The following RBMS3 variants were observed in gnomAD, a reference collection of about 807,000 sequenced individuals.
RBMS3 encodes RNA binding motif single stranded interacting protein 3, also known as RNA-binding motif, single-stranded-interacting protein 3.
A neutral mutation model predicts 66.8 loss-of-function variants in RBMS3; 27 were observed. The observed-to-expected ratio is 0.40, with a 90% confidence interval of 0.30 to 0.56. The LOEUF is 0.56. Among genes scored for constraint, RBMS3 ranks in the 20% least tolerant of loss-of-function variants. RBMS3 has a pLI of 0.40. For synonymous variants in RBMS3, 188 were observed against 183.0 expected (o/e 1.03, Z -0.22); for missense variants, 513 against 549.5 (o/e 0.93, Z 0.66).
intron 7 of RBMS3, among the ~76,000 whole-genome samples, chr3:29,879,109 A>G (rs2059679490): frequency 6.6e-6 from 1 of 152,174 alleles, no homozygotes. Context: ...AGTTATTGTT[A>G]TACTACGCCA....
chr3:29,867,777 A>G (rs2059396410), intron 6 of RBMS3, among the ~76,000 whole-genome samples: 1 of 151,580 alleles, frequency 6.6e-6, no homozygotes, highest in Non-Finnish European at 1.5e-5. Context: ...GGAATTGGTC[A>G]AGAATTAGGG....
At chr3:29,828,356 G>T (rs1202365642) in intron 6 of RBMS3, among the ~76,000 whole-genome samples, 1 of 151,812 alleles carries the variant, frequency 6.6e-6, no homozygotes, top group Non-Finnish European at 1.5e-5. Flanking sequence ...AACATAAAGG[G>T]GCCACTGGAC....
At chr3:29,564,732 T>C (rs930842500) in intron 3 of RBMS3, among the ~76,000 whole-genome samples, 1 of 152,166 alleles carries the variant, frequency 6.6e-6, no homozygotes, top group Non-Finnish European at 1.5e-5. Flanking sequence ...AGAAACTTCG[T>C]GGGAGAAGAG....
intron 6 of RBMS3, among the ~76,000 whole-genome samples, chr3:29,830,135 A>G (rs2058332405): frequency 6.6e-6 from 1 of 151,928 alleles, no homozygotes; most frequent in Non-Finnish European, 1.5e-5. Flanking sequence ...TTTTAGTGGG[A>G]GGTAGTCTTT....
At chr3:29,559,593 T>C (rs1031086636) in intron 3 of RBMS3, among the ~76,000 whole-genome samples, 14 of 134,452 alleles carry the variant, frequency 1.0e-4, no homozygotes, top group African/African-American at 3.9e-4. Context: ...TTCTGAAGAG[T>C]CTCAGTTTTT....
At chr3:29,377,699 T>TATC (rs2038549393) in intron 1 of RBMS3, among the ~76,000 whole-genome samples, 1 of 152,178 alleles carries the variant, frequency 6.6e-6, no homozygotes, top group African/African-American at 2.4e-5. Context: ...CAATCACTGT[T>TATC]ATCAGGGCAG....
intron 1 of RBMS3, among the ~76,000 whole-genome samples, chr3:29,325,369 G>T (rs187787076): frequency 6.6e-6 from 1 of 151,962 alleles, no homozygotes; most frequent in Non-Finnish European, 1.5e-5. Flanking sequence ...AGATTTTATC[G>T]TTATACCGTT....
chr3:29,631,227 T>C (rs2049271153), intron 4 of RBMS3, among the ~76,000 whole-genome samples: 1 of 151,974 alleles, frequency 6.6e-6, no homozygotes, highest in African/African-American at 2.4e-5. Context: ...AATAAGAACA[T>C]TCCTTGAGGC....
At chr3:29,744,785 G>GGC (rs34726699) in intron 5 of RBMS3, among the ~76,000 whole-genome samples, 2 of 138,196 alleles carry the variant, frequency 1.4e-5, no homozygotes, top group Non-Finnish European at 3.1e-5. Context: ...CTCCGTCTCG[G>GGC]AAAAAAAAAA....
chr3:30,005,103 T>TA lies in RBMS3; in HGVS notation c.*1254dup, dbSNP rs10681559. On this transcript the variant is annotated 3_prime_UTR_variant, in exon 15 of 15. Coordinates refer to ENST00000383767, the MANE Select transcript of RBMS3 (RefSeq NM_001003793.3). ...AGGTTGTTTTCGTTTCTTTTCTTTT[T>TA]AAAAAAAAAAAAATTTATTTGACCG... 0.1 allele frequency: 14,539 copies of TA among 142,218 alleles called. 1,281 individuals carry two copies. Among genetic ancestry groups the TA allele is most frequent in the South Asian group, 0.21 (950 of 4,518 alleles). The allele number at this position is 142,218 out of a possible 1,614,324, so 8.8% of individuals were successfully genotyped here.
At position 29,868,874 on chromosome 3, in the gene RBMS3, G is replaced by A; in HGVS notation, c.654G>A (p.Leu218=). Reference sequence around the variant, plus strand: ...TCTTCCCAGCCCCCAGTGAGCCTTTGCTGTGCAAATTCGCTGATGGAGGAC... The same window carrying A: ...TCTTCCCAGCCCCCAGTGAGCCTTTACTGTGCAAATTCGCTGATGGAGGAC... ...PPGIPAPSEP[L]LCKFADGGQK... is the part of the protein sequence containing the mutation. Residue 218 remains leucine, a synonymous_variant, in exon 7 of 15, where the codon TTG becomes TTA. Transcript: ENST00000383767. 1 of 1,599,962 alleles carries A rather than the reference G, an allele frequency of 6.3e-7. No homozygotes were observed. The highest frequency in any genetic ancestry group is 8.5e-7 in the Non-Finnish European group (1 of 1,172,134).
intron 4 of RBMS3, among the ~76,000 whole-genome samples, chr3:29,648,261 C>CTTTTTTTTTTTTTTTTTTT (rs1576434694): frequency 1.0e-4 from 9 of 88,128 alleles, no homozygotes; most frequent in Admixed American, 2.3e-4. Flanking sequence ...TAGAAAATGT[C>CTTTTTTTTTTTTTTTTTTT]TATTTTTTTT....
intron 6 of RBMS3, among the ~76,000 whole-genome samples, chr3:29,847,288 C>T (rs1297272998): frequency 6.6e-6 from 1 of 152,260 alleles, no homozygotes; most frequent in East Asian, 1.9e-4. Flanking sequence ...TAATATGATG[C>T]ACATTTGTTT....
intron 2 of RBMS3, 21 bp downstream of exon 2, chr3:29,434,936 C>T (rs1441226500): frequency 3.7e-6 from 6 of 1,602,616 alleles, no homozygotes; most frequent in East Asian, 2.2e-5. Flanking sequence ...TTCTGCTGCC[C>T]GTGCTGTTTC....
intron 4 of RBMS3, among the ~76,000 whole-genome samples, chr3:29,609,437 G>T (rs7638763): frequency 6.6e-6 from 1 of 151,824 alleles, no homozygotes; most frequent in African/African-American, 2.4e-5. Context: ...GGCATCCTAA[G>T]GGAGGAGTCA....
intron 6 of RBMS3, among the ~76,000 whole-genome samples, chr3:29,832,141 A>G (rs917524789): frequency 6.6e-6 from 1 of 152,228 alleles, no homozygotes; most frequent in Non-Finnish European, 1.5e-5. Context: ...TAATGCACAT[A>G]ATGTATTTAA....
intron 1 of RBMS3, among the ~76,000 whole-genome samples, chr3:29,376,493 G>A (rs997287547): frequency 2.0e-5 from 3 of 152,150 alleles, no homozygotes; most frequent in Admixed American, 6.5e-5. Context: ...AATGTGGGCC[G>A]GGTGCGGTGG....
intron 5 of RBMS3, among the ~76,000 whole-genome samples, chr3:29,748,792 GC>G (rs2055044752): frequency 6.6e-6 from 1 of 152,140 alleles, no homozygotes; most frequent in Non-Finnish European, 1.5e-5. Flanking sequence ...TGAACTAAAA[GC>G]ATTTTGACTC....
At chr3:29,325,230 G>GA (rs1430778610) in intron 1 of RBMS3, among the ~76,000 whole-genome samples, 1 of 152,040 alleles carries the variant, frequency 6.6e-6, no homozygotes, top group Non-Finnish European at 1.5e-5. Flanking sequence ...TTTCGTTTGT[G>GA]AAAAAAGGCG....
Sources: gnomAD v4.1 joint callset for allele counts (sites outside exome capture counted in the v4.1 genomes callset) on GRCh38, gnomAD v4.1.1 for gene constraint, MANE v1.5 for transcripts, NCBI Gene and HGNC (gene_info 2026-07-23, HGNC 2026-07-21) for gene names.